ZNF773: variants seen among roughly 807,000 people sequenced by gnomAD.
ZNF773 encodes zinc finger protein 773.
Under a neutral mutation model 12.8 loss-of-function variants are expected in ZNF773, and 11 were observed. The observed-to-expected ratio is 0.86, with a 90% CI of 0.54 to 1.42. The LOEUF is 1.42. Among genes scored for constraint, ZNF773 ranks in the 40% most tolerant of loss-of-function variants. ZNF773 has a pLI of 0.00. For synonymous variants in ZNF773, 175 were observed against 178.4 expected (o/e 0.98, Z 0.15); for missense variants, 518 against 527.2 (o/e 0.98, Z 0.17).
At chr19:57,506,273 TA>T in intron 3 of ZNF773, 84 bp from the exon 4 acceptor site, 2 of 1,534,046 alleles carry the variant, frequency 1.3e-6, no homozygotes. Context: ...ACACGCTAAT[TA>T]CCAGGTGTGT....
In ZNF773 at chr19:57,508,140, CAAAAAAA is replaced by C; in HGVS notation, c.*728_*734del. 1 of 782,942 alleles carries C rather than the reference CAAAAAAA, an allele frequency of 1.3e-6. No homozygotes were observed. Among genetic ancestry groups the C allele is most frequent in the East Asian group, 1.8e-4 (1 of 5,512 alleles). The allele number at this position is 782,942 out of a possible 1,614,324, so 48.5% of individuals were successfully genotyped here. A position where few individuals can be genotyped will look rare whatever the true frequency, so the allele number is the denominator to read the frequency against. On this transcript the variant is annotated 3_prime_UTR_variant, in exon 4 of 4. Coordinates refer to ENST00000282292, the MANE Select transcript of ZNF773 (RefSeq NM_198542.3). ...TGGGTGACAGAGTGAGACTTCGTCT[CAAAAAAA>C]AAAAAAAAAAACAAAAAAAACCCAG...
In ZNF773 at chr19:57,507,318, T is replaced by C; in HGVS notation, c.1223T>C (p.Val408Ala). The C allele has an allele frequency of 3.1e-6, 5 of 1,614,204 alleles. No individual in the cohort carries two copies. Among genetic ancestry groups the C allele is most frequent in the Middle Eastern group, 1.6e-4 (1 of 6,062 alleles). Residue 408 changes from valine to alanine, a missense_variant, in exon 4 of 4, where the codon GTT (valine) becomes GCT (alanine). By Grantham distance (64) the Val-to-Ala change is moderately conservative. Transcript: ENST00000282292. ...TCCAGCCTTGTTAAACATCAGAGGG[T>C]TCACACTGGAGCAAAGCCTTATGAG... ...ENSSLVKHQR[V>A]HTGAKPYECR...
rs1310544122 is a variant in ZNF773, at chr19:57,506,880, T to C, written c.785T>C (p.Leu262Pro). 1 of 1,614,146 alleles carries C rather than the reference T, an allele frequency of 6.2e-7. No individual in the cohort carries two copies. Among genetic ancestry groups the C allele is most frequent in the Non-Finnish European group, 8.5e-7 (1 of 1,180,040 alleles). Reference protein sequence around the residue: ...CGKSFSRNADLIQHQRVHTGE... With the variant: ...CGKSFSRNADPIQHQRVHTGE... The stretch of plus-strand genomic sequence containing the variant: ...AAATCCTTTAGCCGTAATGCTGACC[T>C]CATTCAACACCAGAGAGTTCACACT... Residue 262 changes from leucine to proline, a missense_variant, in exon 4 of 4, where the codon CTC becomes CCC. Physicochemically the swap from Leu to Pro is moderately conservative, Grantham distance 98. Coordinates refer to ENST00000282292, the MANE Select transcript of ZNF773 (RefSeq NM_198542.3).
chr19:57,506,604 C>G lies in ZNF773; in HGVS notation c.509C>G (p.Thr170Arg). 7 of 1,614,140 alleles carry G rather than the reference C, an allele frequency of 4.3e-6. No individual in the cohort carries two copies. The highest frequency in any genetic ancestry group is 5.9e-6 in the Non-Finnish European group (7 of 1,180,018). The change falls in exon 4 of 4, where the codon ACG becomes AGG. Residue 170 changes from threonine to arginine, a missense_variant. Coordinates refer to ENST00000282292, the MANE Select transcript of ZNF773 (RefSeq NM_198542.3). ...SGVLKHQVTHTGEKSHRSSKS... is the reference protein window; with the variant it reads ...SGVLKHQVTHRGEKSHRSSKS... ...GTTCTCAAGCACCAGGTGACTCACA[C>G]GGGAGAGAAGTCACATAGGAGCTCC...
intron 1 of ZNF773, among the ~76,000 whole-genome samples, chr19:57,502,874 G>A (rs1283530094): frequency 1.3e-5 from 2 of 151,980 alleles, no homozygotes; most frequent in Non-Finnish European, 2.9e-5. Context: ...TGTATTTTTA[G>A]TAGAGATGGG....
At position 57,500,209 on chromosome 19, in the gene ZNF773, G is replaced by C. The variant is rs374358853; in HGVS notation, c.33+96G>C. ...GGTGCAGAACTGTGGGGCGTTCGTG[G>C]GCGGCGTCCCGTTTCTGACACGCAG... On this transcript the variant is annotated intron_variant, in intron 1 of 3. Coordinates refer to ENST00000282292, the MANE Select transcript of ZNF773 (RefSeq NM_198542.3). 4,767 of 1,431,220 alleles carry C rather than the reference G, an allele frequency of 3.3e-3. 11 individuals are homozygous for C. Among genetic ancestry groups the C allele is most frequent in the Non-Finnish European group, 3.8e-3 (4,063 of 1,081,768 alleles). The allele number at this position is 1,431,220 out of a possible 1,614,324, so 88.7% of individuals were successfully genotyped here.
chr19:57,504,517 T>A, intron 1 of ZNF773, 140 bp from the exon 2 acceptor site: 1 of 1,233,966 alleles, frequency 8.1e-7, no homozygotes. Context: ...GAGGAGAGAG[T>A]GGGCATCAGT....
chr19:57,508,033 TGGG>T lies in ZNF773; in HGVS notation c.*613_*615del, dbSNP rs2089762496. On this transcript the variant is annotated 3_prime_UTR_variant, in exon 4 of 4. Coordinates refer to ENST00000282292, the MANE Select transcript of ZNF773 (RefSeq NM_198542.3). ...GCAGGCAACTGTAGTCCCAGCTACT[TGGG>T]GGGCTGAGGCAGGAGATTTGCTTGA... 3.3e-6 allele frequency: 1 copy of T among 301,338 alleles called. No homozygotes were observed. The highest frequency in any genetic ancestry group is 4.7e-6 in the Non-Finnish European group (1 of 212,016). The allele number at this position is 301,338 out of a possible 1,614,324, so 18.7% of individuals were successfully genotyped here.
downstream of ZNF773, chr19:57,515,174 C>G (rs1438568631): frequency 6.6e-6 from 1 of 152,202 alleles, no homozygotes; most frequent in Non-Finnish European, 1.5e-5. Flanking sequence ...TAATTTGTTT[C>G]TAAGACTTCA....
chr19:57,505,238 T>C, intron 2 of ZNF773, 64 bp from the exon 3 acceptor site: 1 of 1,491,858 alleles, frequency 6.7e-7, no homozygotes, highest in Non-Finnish European at 9.3e-7. Flanking sequence ...TTTTCTTTCC[T>C]GTGGTCCATG....
chr19:57,511,651 C>T (rs574128072), downstream of ZNF773, among the ~76,000 whole-genome samples: 6 of 152,040 alleles, frequency 3.9e-5, no homozygotes, highest in South Asian at 1.2e-3. Flanking sequence ...AAACATGTGT[C>T]CTAGAAATAC....
downstream of ZNF773, among the ~76,000 whole-genome samples, chr19:57,510,110 G>C (rs529884501): frequency 6.6e-5 from 10 of 152,074 alleles, no homozygotes; most frequent in South Asian, 6.2e-4. Context: ...TTTCTTTCTT[G>C]TTGTAAAGCC....
chr19:57,504,813 A>G (rs758221236), intron 2 of ZNF773, 27 bp downstream of exon 2: 1 of 1,604,692 alleles, frequency 6.2e-7, no homozygotes, highest in South Asian at 1.1e-5. Flanking sequence ...CCACCCCAGC[A>G]TCCTGAGCTG....
rs1754959646 is a variant in ZNF773, at chr19:57,507,314, A to C, written c.1219A>C (p.Arg407=). 1 of 1,614,170 alleles carries C rather than the reference A, an allele frequency of 6.2e-7. No homozygotes were observed. ...GAATTCCAGCCTTGTTAAACATCAG[A>C]GGGTTCACACTGGAGCAAAGCCTTA... ...SENSSLVKHQ[R]VHTGAKPYEC... Residue 407 remains arginine, a synonymous_variant, in exon 4 of 4, where the codon AGG becomes CGG. Transcript: ENST00000282292.
At chr19:57,500,331 T>G (rs2089655026) in intron 1 of ZNF773, among the ~76,000 whole-genome samples, 1 of 151,434 alleles carries the variant, frequency 6.6e-6, no homozygotes, top group Non-Finnish European at 1.5e-5. Context: ...GTGTCTGTAG[T>G]GGGCAGCTTG....
In ZNF773 at chr19:57,506,998, G is replaced by T. The variant is rs200220630; in HGVS notation, c.903G>T (p.Arg301Ser). 1.2e-6 allele frequency: 2 copies of T among 1,614,166 alleles called. No homozygotes were observed. Among genetic ancestry groups the T allele is most frequent in the Non-Finnish European group, 1.7e-6 (2 of 1,180,026 alleles). Reference sequence around the variant, plus strand: ...ATCACAGAATCCACACTGGAGTAAGGCCTTATGAGTGCAGTGAATGTGGAA... The same window carrying T: ...ATCACAGAATCCACACTGGAGTAAGTCCTTATGAGTGCAGTGAATGTGGAA... ...VQHHRIHTGV[R>S]PYECSECGKL... The change falls in exon 4 of 4, where the codon AGG becomes AGT. Residue 301 changes from arginine (R) to serine (S), a missense_variant. Transcript: ENST00000282292.
chr19:57,509,308 G>A (rs1316619919), downstream of ZNF773, among the ~76,000 whole-genome samples: 1 of 152,150 alleles, frequency 6.6e-6, no homozygotes, highest in Non-Finnish European at 1.5e-5. Flanking sequence ...TGAAATATTT[G>A]TAGGTTTAAC....
downstream of ZNF773, among the ~76,000 whole-genome samples, chr19:57,509,478 A>G (rs533319645): frequency 1.2e-3 from 178 of 152,356 alleles, 1 homozygote; most frequent in African/African-American, 4.1e-3. Context: ...AACTCCTTAG[A>G]GAAGAGGCTG....
chr19:57,516,182 T>C (rs573547580), downstream of ZNF773: 1 of 155,834 alleles, frequency 6.4e-6, no homozygotes, highest in South Asian at 1.8e-4. Context: ...TGAATCTGAA[T>C]GCAAAGACAG....
Sources: allele counts gnomAD v4.1 joint callset (sites outside exome capture counted in the v4.1 genomes callset), GRCh38; gene constraint gnomAD v4.1.1; transcripts MANE v1.5; gene names NCBI Gene and HGNC (gene_info 2026-07-23, HGNC 2026-07-21).